The following AP2B1 variants were observed in gnomAD, a reference collection of about 807,000 sequenced individuals.
AP2B1 encodes AP-2 complex subunit beta.
In AP2B1, 23 loss-of-function variants were observed where a neutral mutation model predicts 102.0. The ratio of observed to expected loss-of-function variants is 0.23; its 90% CI spans 0.16 to 0.32. The LOEUF (loss-of-function observed/expected upper bound fraction) is 0.32, where lower values mean the gene tolerates loss of function less well. Among genes scored for constraint, AP2B1 ranks in the 10% least tolerant of loss-of-function variants. The pLI, the probability that AP2B1 is intolerant of heterozygous loss-of-function variation, is 1.00. For missense variants in AP2B1, 541 were observed against 1,157.4 expected (o/e 0.47, Z 7.73); for synonymous variants, 381 against 421.2 (o/e 0.90, Z 1.17).
intron 9 of AP2B1, 48 bp downstream of exon 9, chr17:35,627,774 T>A: frequency 1.4e-6 from 2 of 1,436,628 alleles, no homozygotes; most frequent in Non-Finnish European, 1.9e-6. Flanking sequence ...ATTCTGAGAG[T>A]TCTCTTCACT....
chr17:35,680,037 G>A (rs2075783977), intron 17 of AP2B1, among the ~76,000 whole-genome samples: 1 of 151,502 alleles, frequency 6.6e-6, no homozygotes, highest in African/African-American at 2.4e-5. Flanking sequence ...AAGTAGCTGG[G>A]AATTACAGAC....
intron 13 of AP2B1, among the ~76,000 whole-genome samples, chr17:35,654,092 C>T (rs1426180767): frequency 2.7e-5 from 4 of 150,618 alleles, no homozygotes; most frequent in African/African-American, 7.3e-5. Flanking sequence ...GATGTAGTCT[C>T]GCTCTGTCTC....
At chr17:35,663,578 T>G (rs142591393) in intron 14 of AP2B1, among the ~76,000 whole-genome samples, 20 of 152,336 alleles carry the variant, frequency 1.3e-4, no homozygotes, top group Non-Finnish European at 1.9e-4. Context: ...AACTGGGAAA[T>G]GCAGTCTCTG....
At chr17:35,601,368 C>G (rs756205049) in intron 3 of AP2B1, among the ~76,000 whole-genome samples, 2 of 152,190 alleles carry the variant, frequency 1.3e-5, no homozygotes, top group Non-Finnish European at 2.9e-5. Flanking sequence ...CTTGCTCCAT[C>G]ACTCAGGCTG....
chr17:35,653,940 G>A (rs990997555), intron 13 of AP2B1, among the ~76,000 whole-genome samples: 2 of 152,024 alleles, frequency 1.3e-5, no homozygotes, highest in South Asian at 2.1e-4. Flanking sequence ...TTTTCCTGTC[G>A]TCCTTCTAGA....
At chr17:35,679,441 G>C (rs1457731011) in intron 17 of AP2B1, among the ~76,000 whole-genome samples, 2 of 149,000 alleles carry the variant, frequency 1.3e-5, no homozygotes, top group African/African-American at 2.5e-5. Flanking sequence ...GTTTGATCTT[G>C]GTCTACTCTG....
intron 6 of AP2B1, 24 bp from the exon 7 acceptor site, chr17:35,626,597 T>C (rs1024685872): frequency 1.3e-6 from 2 of 1,534,546 alleles, no homozygotes; most frequent in Non-Finnish European, 1.8e-6. Context: ...ATTCATGATA[T>C]TAATTTTCAT....
chr17:35,618,173 G>A (rs915503422), intron 5 of AP2B1, among the ~76,000 whole-genome samples: 4 of 152,164 alleles, frequency 2.6e-5, no homozygotes, highest in Non-Finnish European at 1.5e-5. Flanking sequence ...AGTTTTACTT[G>A]TTTGACTGGT....
chr17:35,604,906 A>G (rs908630719), intron 3 of AP2B1, among the ~76,000 whole-genome samples: 32 of 152,178 alleles, frequency 2.1e-4, no homozygotes, highest in Admixed American at 6.5e-5. Flanking sequence ...CTTGTTGAGA[A>G]CAGCACTACA....
chr17:35,715,083 C>G (rs1373751786), intron 20 of AP2B1, among the ~76,000 whole-genome samples: 3 of 152,184 alleles, frequency 2.0e-5, no homozygotes, highest in Non-Finnish European at 4.4e-5. Flanking sequence ...CAAACTCAAA[C>G]CTAATAACTA....
At chr17:35,656,922 CAA>C (rs1299844211) in intron 13 of AP2B1, among the ~76,000 whole-genome samples, 1 of 151,268 alleles carries the variant, frequency 6.6e-6, no homozygotes, top group Non-Finnish European at 1.5e-5. Flanking sequence ...GACTAGTTTT[CAA>C]AGTTTTATTT....
intron 12 of AP2B1, among the ~76,000 whole-genome samples, chr17:35,648,258 G>A (rs145604898): frequency 1.3e-5 from 2 of 152,300 alleles, no homozygotes; most frequent in African/African-American, 2.4e-5. Context: ...GCTTATGCCT[G>A]TAATCCTAGC....
chr17:35,710,032 A>T (rs2076416040), intron 19 of AP2B1, among the ~76,000 whole-genome samples: 1 of 152,270 alleles, frequency 6.6e-6, no homozygotes, highest in Admixed American at 6.5e-5. Flanking sequence ...ACTCTTTTCC[A>T]ATTATCCTAG....
intron 1 of AP2B1, among the ~76,000 whole-genome samples, chr17:35,592,637 G>T (rs538924014): frequency 6.6e-6 from 1 of 152,094 alleles, no homozygotes; most frequent in African/African-American, 2.4e-5. Context: ...CCGCCTCCCA[G>T]GTCCAAGCGA....
chr17:35,720,324 T>A (rs587741651), intron 21 of AP2B1, among the ~76,000 whole-genome samples: 1 of 151,856 alleles, frequency 6.6e-6, no homozygotes, highest in South Asian at 2.1e-4. Flanking sequence ...TGCCACATAT[T>A]GAAATGATCC....
chr17:35,609,449 C>G (rs569488654), intron 5 of AP2B1, among the ~76,000 whole-genome samples: 1 of 151,696 alleles, frequency 6.6e-6, no homozygotes, highest in East Asian at 1.9e-4. Flanking sequence ...CAGGTTCATG[C>G]CATTGTCCTG....
intron 20 of AP2B1, among the ~76,000 whole-genome samples, chr17:35,715,096 A>G (rs1456324961): frequency 2.0e-5 from 3 of 152,312 alleles, no homozygotes; most frequent in South Asian, 2.1e-4. Context: ...AATAACTAAA[A>G]TGTATAAAAA....
intron 12 of AP2B1, among the ~76,000 whole-genome samples, chr17:35,646,380 G>A (rs959712464): frequency 2.5e-4 from 19 of 76,786 alleles, no homozygotes; most frequent in African/African-American, 1.3e-3. Context: ...CCCTCAGAAC[G>A]ACAGAGTTTG....
chr17:35,596,933 A>C, intron 2 of AP2B1: 1 of 696,700 alleles, frequency 1.4e-6, no homozygotes. Flanking sequence ...GCCCTATGCC[A>C]GGAGGCCATT....
Sources: gnomAD v4.1 joint callset for allele counts (sites outside exome capture counted in the v4.1 genomes callset) on GRCh38, gnomAD v4.1.1 for gene constraint, MANE v1.5 for transcripts, NCBI Gene and HGNC (gene_info 2026-07-23, HGNC 2026-07-21) for gene names.